The following MEAK7 variants were observed in gnomAD, a reference collection of about 807,000 sequenced individuals.
MEAK7 encodes the protein MTOR-associated protein MEAK7.
MEAK7 carries 68 observed loss-of-function variants against 40.5 expected under a neutral mutation model. That is an observed-to-expected ratio of 1.68 (90% CI 1.38 to 2.06). MEAK7 has a LOEUF of 2.06. MEAK7 is among the 30% of genes most tolerant of loss of function. The pLI, the probability that MEAK7 is intolerant of heterozygous loss-of-function variation, is 0.00. For synonymous variants in MEAK7, 338 were observed against 231.9 expected, an observed-to-expected ratio of 1.46 and a Z score of -4.16; for missense variants, 918 against 580.5, an observed-to-expected ratio of 1.58 and a Z score of -5.98.
At chr16:84,496,571 C>G (rs754592426) in intron 2 of MEAK7, among the ~76,000 whole-genome samples, 1 of 152,210 alleles carries the variant, frequency 6.6e-6, no homozygotes, top group Non-Finnish European at 1.5e-5. Flanking sequence ...TGTTCTTCCA[C>G]TCATCGTGAG....
In MEAK7 at chr16:84,478,151, T is replaced by C. The variant is rs2150618330; in HGVS notation, c.*1762A>G. ...ACAAAGTGACAATAGGGACCTAAAT[T>C]CTTTGGACTTACGGTAGAGATGCTT... is the stretch of plus-strand genomic sequence containing the variant. On this transcript the variant is annotated 3_prime_UTR_variant, in exon 8 of 8. Coordinates refer to ENST00000343629, the MANE Select transcript of MEAK7 (RefSeq NM_020947.4). 1 of 151,190 alleles carries C rather than the reference T, an allele frequency of 6.6e-6. No homozygotes were observed. The highest frequency in any genetic ancestry group is 1.5e-5 in the Non-Finnish European group (1 of 67,546). 9.4% of individuals were successfully genotyped at this position (151,190 alleles called of 1,614,324 possible).
rs370281146 is a variant in MEAK7 at position 84,497,974 on chromosome 16, G to A, written c.113C>T (p.Pro38Leu). 22 of 1,614,022 alleles carry A rather than the reference G, an allele frequency of 1.4e-5. No homozygotes were observed. Among genetic ancestry groups the A allele is most frequent in the South Asian group, 5.5e-5 (5 of 91,082 alleles). The change falls in exon 2 of 8, where the codon CCG (proline) becomes CTG (leucine). Residue 38 changes from proline to leucine, a missense_variant. Physicochemically the swap from Pro to Leu is moderately conservative, Grantham distance 98. Transcript: ENST00000343629. Reference protein sequence around the residue: ...FDALSSDKNSPNVSSKSFSLK... With the variant: ...FDALSSDKNSLNVSSKSFSLK... Reference sequence around the variant, plus strand: ...AGAGAAGGATTTGGATGAGACATTCGGGCTGTTTTTATCTGATGACAGAGC... The same window carrying A: ...AGAGAAGGATTTGGATGAGACATTCAGGCTGTTTTTATCTGATGACAGAGC...
At chr16:84,485,550 A>C (rs1404341400) in intron 5 of MEAK7, among the ~76,000 whole-genome samples, 1 of 152,226 alleles carries the variant, frequency 6.6e-6, no homozygotes, top group Admixed American at 6.5e-5. Flanking sequence ...TGCCAAAGGC[A>C]AACCCTGGGG....
At position 84,482,629 on chromosome 16, in the gene MEAK7, T is replaced by G. The variant is rs1476652569; in HGVS notation, c.1040A>C (p.Tyr347Ser). 1.2e-6 allele frequency: 2 copies of G among 1,614,120 alleles called. No homozygotes were observed. Among genetic ancestry groups the G allele is most frequent in the African/African-American group, 2.7e-5 (2 of 74,936 alleles). The change falls in exon 6 of 8, where the codon TAC becomes TCC. Residue 347 changes from tyrosine (Y) to serine (S), a missense_variant. Physicochemically the swap from Tyr to Ser is moderately radical, Grantham distance 144. Coordinates refer to ENST00000343629, the MANE Select transcript of MEAK7 (RefSeq NM_020947.4). ...THTGYNDHYM[Y>S]LNHGQQTIPN... ...GATCGTCTGCTGTCCATGGTTCAAG[T>G]ACATGTAGTGGTCGTTGTAGCCCGT...
chr16:84,482,264 G>A (rs192611760), intron 6 of MEAK7, among the ~76,000 whole-genome samples: 77 of 152,346 alleles, frequency 5.1e-4, no homozygotes, highest in Non-Finnish European at 8.4e-4. Flanking sequence ...CCAGCGACGC[G>A]CAGGGACAGG....
In MEAK7 at chr16:84,478,547, A is replaced by G. The variant is rs758802609; in HGVS notation, c.*1366T>C. 6.6e-6 allele frequency: 1 copy of G among 152,260 alleles called. No individual in the cohort carries two copies. The highest frequency in any genetic ancestry group is 2.1e-4 in the South Asian group (1 of 4,830). 9.4% of individuals were successfully genotyped at this position (152,260 alleles called of 1,614,324 possible). On this transcript the variant is annotated 3_prime_UTR_variant, in exon 8 of 8. Coordinates refer to ENST00000343629, the MANE Select transcript of MEAK7 (RefSeq NM_020947.4). ...AAGCTTACAGCAAAAGACAAAAGGAAGAGGTATATATCTTAGAGACAAGCT... is the reference window on the plus strand; with the variant it reads ...AAGCTTACAGCAAAAGACAAAAGGAGGAGGTATATATCTTAGAGACAAGCT...
intron 5 of MEAK7, 141 bp downstream of exon 5, chr16:84,486,490 T>C (rs372085142): frequency 1.4e-6 from 2 of 1,435,442 alleles, no homozygotes; most frequent in African/African-American, 2.9e-5. Context: ...AGCATCACAT[T>C]TTCCTATCGC....
At chr16:84,481,964 G>C (rs12596868) in intron 6 of MEAK7, among the ~76,000 whole-genome samples, 48,280 of 151,964 alleles carry the variant, frequency 0.32, 9,204 homozygotes, top group Middle Eastern at 0.46. Context: ...AGAGCTTTCT[G>C]TCAAGCAGCA....
intron 3 of MEAK7, among the ~76,000 whole-genome samples, chr16:84,490,443 CTTTTTTTTTTTTTTTTT>C (rs770073812): frequency 0.028 from 2,592 of 93,882 alleles, 110 homozygotes; most frequent in Non-Finnish European, 0.034. Context: ...TCTGCCCCGC[CTTTTTTTTTTTTTTTTT>C]TTTTTTTTTT....
chr16:84,497,393 G>C (rs778904150), intron 2 of MEAK7: 21 of 1,266,648 alleles, frequency 1.7e-5, no homozygotes, highest in South Asian at 2.5e-5. Flanking sequence ...GGAATATCAT[G>C]AAATTCCTAG....
At chr16:84,485,061 T>G (rs1050669130) in intron 5 of MEAK7, among the ~76,000 whole-genome samples, 2 of 152,146 alleles carry the variant, frequency 1.3e-5, no homozygotes, top group Non-Finnish European at 2.9e-5. Flanking sequence ...AGCCATGCAG[T>G]GAGGCAGAGC....
chr16:84,484,808 G>A (rs977102459), intron 5 of MEAK7, among the ~76,000 whole-genome samples: 2 of 152,222 alleles, frequency 1.3e-5, no homozygotes, highest in Non-Finnish European at 2.9e-5. Context: ...TGCGTGGTGT[G>A]AGGCTGCCCT....
intron 3 of MEAK7, among the ~76,000 whole-genome samples, chr16:84,490,654 ATGTGTGTGTGTGTG>A (rs35489449): frequency 5.8e-4 from 80 of 137,616 alleles, no homozygotes; most frequent in Non-Finnish European, 3.7e-4. Flanking sequence ...GCTAATCAAG[ATGTGTGTGTGTGTG>A]TGTGTGTGTG....
At chr16:84,488,588 T>C (rs442325) in intron 4 of MEAK7, among the ~76,000 whole-genome samples, 63,331 of 152,068 alleles carry the variant, frequency 0.42, 13,939 homozygotes, top group South Asian at 0.59. Context: ...TAATACAAAG[T>C]ATCTTCTCTA....
intron 3 of MEAK7, among the ~76,000 whole-genome samples, chr16:84,494,390 C>T (rs991801726): frequency 5.3e-5 from 8 of 152,158 alleles, no homozygotes; most frequent in Non-Finnish European, 8.8e-5. Flanking sequence ...TTCCTGGCTA[C>T]AAGTCTTTAA....
chr16:84,489,183 TG>T, intron 4 of MEAK7, 94 bp downstream of exon 4: 1 of 1,438,820 alleles, frequency 7.0e-7, no homozygotes, highest in Non-Finnish European at 9.2e-7. Context: ...TCACGCATTC[TG>T]GTTTCAAAGC....
rs570738187 is a variant in MEAK7 at position 84,498,855 on chromosome 16, T to C, written c.-25-744A>G. 5.3e-5 allele frequency among the ~76,000 whole-genome samples: 8 copies of C among 152,270 alleles called. No homozygotes were observed. The South Asian group carries it at 1.7e-3, about 32-fold the overall frequency. ...TCACCTTGAGAATACTGCTACACAC[T>C]AGTTGGGAAGTTTTTCCTTTGTGAT... On this transcript the variant is annotated intron_variant, in intron 1 of 7. Transcript: ENST00000343629.
At chr16:84,501,616 C>T (rs990875765) in intron 1 of MEAK7, among the ~76,000 whole-genome samples, 7 of 152,090 alleles carry the variant, frequency 4.6e-5, no homozygotes, top group Admixed American at 2.0e-4. Flanking sequence ...AAGGCTTGGA[C>T]GCAGAGCCAG....
chr16:84,480,410 G>A, intron 7 of MEAK7, 119 bp downstream of exon 7: 1 of 1,218,002 alleles, frequency 8.2e-7, no homozygotes. Flanking sequence ...CAGCTACCAG[G>A]ATCAAATTTG....
Sources: allele counts gnomAD v4.1 joint callset (sites outside exome capture counted in the v4.1 genomes callset), GRCh38; gene constraint gnomAD v4.1.1; transcripts MANE v1.5; gene names NCBI Gene and HGNC (gene_info 2026-07-23, HGNC 2026-07-21).